CLYBL: variants seen among roughly 807,000 people sequenced by gnomAD.
CLYBL encodes the protein citramalyl-CoA lyase, also known as citramalyl-CoA lyase, mitochondrial.
A neutral mutation model predicts 38.9 loss-of-function variants in CLYBL; 31 were observed. The observed-to-expected ratio is 0.80, with a 90% CI of 0.60 to 1.08. CLYBL has a LOEUF of 1.08. CLYBL is among the 50% of genes least tolerant of loss of function. The pLI, the probability that CLYBL is intolerant of heterozygous loss-of-function variation, is 0.00. For missense variants in CLYBL, 434 were observed against 411.6 expected, an observed-to-expected ratio of 1.05 and a Z score of -0.47; for synonymous variants, 171 against 158.6, an observed-to-expected ratio of 1.08 and a Z score of -0.59.
At chr13:99,837,987 G>A (rs1395924688) in intron 2 of CLYBL, among the ~76,000 whole-genome samples, 1 of 152,084 alleles carries the variant, frequency 6.6e-6, no homozygotes, top group Non-Finnish European at 1.5e-5. Flanking sequence ...CCTCCTCTCT[G>A]TCAAGTGGTT....
At chr13:99,833,007 C>CATATATATATATATATATAT (rs1555314795) in intron 2 of CLYBL, among the ~76,000 whole-genome samples, 1 of 51,574 alleles carries the variant, frequency 1.9e-5, no homozygotes, top group African/African-American at 7.7e-5. Flanking sequence ...TACATACATA[C>CATATATATATATATATATAT]ATATATATAT....
intron 1 of CLYBL, among the ~76,000 whole-genome samples, chr13:99,757,952 G>A (rs115765140): frequency 0.019 from 2,905 of 152,252 alleles, 84 homozygotes; most frequent in African/African-American, 0.067. Context: ...TTGTCTATAC[G>A]CAGATTCTCT....
At chr13:99,747,478 G>A (rs574789712) in intron 1 of CLYBL, among the ~76,000 whole-genome samples, 1 of 152,070 alleles carries the variant, frequency 6.6e-6, no homozygotes, top group African/African-American at 2.4e-5. Context: ...GGAGCTACCG[G>A]GTGCCCATGT....
At position 99,618,277 on chromosome 13, in the gene CLYBL, CT is replaced by C. The variant is rs112680553; in HGVS notation, c.62+11532del. 8.1e-4 allele frequency among the ~76,000 whole-genome samples: 118 copies of C among 146,334 alleles called. 1 individual carries two copies. Among genetic ancestry groups the C allele is most frequent in the Middle Eastern group, 3.5e-3 (1 of 286 alleles). On this transcript the variant is annotated intron_variant, in intron 1 of 8. Coordinates refer to ENST00000339105, the MANE Select transcript of CLYBL (RefSeq NM_206808.5). ...ATACATAACAAAATTATCATTTTAACTTTTTTTTTTTTGAGGTGGAGTCTAG... is the reference window on the plus strand; with the variant it reads ...ATACATAACAAAATTATCATTTTAACTTTTTTTTTTTGAGGTGGAGTCTAG...
chr13:99,711,597 C>T lies in CLYBL; in HGVS notation c.63-61227C>T, dbSNP rs536618456. 4.9e-3 allele frequency among the ~76,000 whole-genome samples: 719 copies of T among 145,718 alleles called. 5 individuals are homozygous for T. The highest frequency in any genetic ancestry group is 0.022 in the Middle Eastern group (6 of 268). ...AATTTTGTATTTTTAGTAGAGATGG[C>T]GTTTCTCCATGTTGGTCAGGCTGGT... On this transcript the variant is annotated intron_variant, in intron 1 of 8. Coordinates refer to ENST00000339105, the MANE Select transcript of CLYBL (RefSeq NM_206808.5).
chr13:99,872,667 G>A lies in CLYBL; in HGVS notation c.927+1605G>A, dbSNP rs139229902. The stretch of plus-strand genomic sequence containing the variant: ...GAGTTCCAGTCTGGGCCAGCACTGT[G>A]TCTATGACCCATCCCAGCTGGGTTT... On this transcript the variant is annotated intron_variant, in intron 7 of 8. Coordinates refer to ENST00000339105, the MANE Select transcript of CLYBL (RefSeq NM_206808.5). Among the ~76,000 whole-genome samples the A allele has an allele frequency of 2.5e-3, 388 of 152,294 alleles. 1 individual carries two copies. Among genetic ancestry groups the A allele is most frequent in the African/African-American group, 8.7e-3 (363 of 41,554 alleles).
intron 1 of CLYBL, among the ~76,000 whole-genome samples, chr13:99,706,827 A>G (rs2139477176): frequency 6.6e-6 from 1 of 152,242 alleles, no homozygotes; most frequent in South Asian, 2.1e-4. Flanking sequence ...TATTTTTTAG[A>G]GACAGGTTCT....
At chr13:99,904,376 C>G (rs922871227) in intron 8 of CLYBL, among the ~76,000 whole-genome samples, 5 of 152,186 alleles carry the variant, frequency 3.3e-5, no homozygotes. Flanking sequence ...CCTGGCTATG[C>G]TAAACTTTAA....
intron 2 of CLYBL, among the ~76,000 whole-genome samples, chr13:99,791,554 A>G (rs185574355): frequency 1.4e-4 from 22 of 152,258 alleles, no homozygotes; most frequent in Admixed American, 7.8e-4. Flanking sequence ...TGTCCTAACA[A>G]TGTGACCTTG....
intron 2 of CLYBL, among the ~76,000 whole-genome samples, chr13:99,856,175 C>G (rs1444062515): frequency 3.3e-5 from 5 of 152,186 alleles, no homozygotes; most frequent in Admixed American, 3.3e-4. Flanking sequence ...GGCAATCCGA[C>G]TTTAGATAAA....
intron 1 of CLYBL, among the ~76,000 whole-genome samples, chr13:99,657,891 A>G (rs2047351048): frequency 6.6e-6 from 1 of 152,198 alleles, no homozygotes. Context: ...CGCTTTTCCC[A>G]GGAACAGAAG....
At chr13:99,754,613 C>T (rs2049023130) in intron 1 of CLYBL, among the ~76,000 whole-genome samples, 1 of 150,476 alleles carries the variant, frequency 6.6e-6, no homozygotes, top group Non-Finnish European at 1.5e-5. Context: ...GAGACAAAGT[C>T]GCGTTCTGTA....
intron 2 of CLYBL, among the ~76,000 whole-genome samples, chr13:99,800,908 A>AAAAAAAAAAAAAAAAAAAAAAC: frequency 1.3e-5 from 1 of 78,768 alleles, no homozygotes; most frequent in Non-Finnish European, 3.4e-5. Context: ...AAAAAAAAAC[A>AAAAAAAAAAAAAAAAAAAAAAC]AAAAAAAAAA....
At chr13:99,846,518 T>C (rs1018525284) in intron 2 of CLYBL, among the ~76,000 whole-genome samples, 6 of 152,192 alleles carry the variant, frequency 3.9e-5, no homozygotes, top group African/African-American at 1.4e-4. Flanking sequence ...ACATAGCTGA[T>C]TGTATTACCT....
intron 2 of CLYBL, among the ~76,000 whole-genome samples, chr13:99,848,277 T>C (rs939627655): frequency 6.6e-6 from 1 of 152,210 alleles, no homozygotes; most frequent in Non-Finnish European, 1.5e-5. Flanking sequence ...TCTCATTATA[T>C]GGGGCTTTCA....
rs71121003 is a variant in CLYBL at position 99,754,087 on chromosome 13, CAAAAAAAAA to C, written c.63-18717_63-18709del. Among the ~76,000 whole-genome samples the C allele has an allele frequency of 7.0e-4, 32 of 45,418 alleles. 1 individual carries two copies. Among genetic ancestry groups the C allele is most frequent in the East Asian group, 2.5e-3 (6 of 2,426 alleles). The allele number at this position is 45,418 out of a possible 152,430, so 29.8% of individuals were successfully genotyped here. On this transcript the variant is annotated intron_variant, in intron 1 of 8. Coordinates refer to ENST00000339105, the MANE Select transcript of CLYBL (RefSeq NM_206808.5). ...GGGCGACAAGAGCGAAACTCGGTCT[CAAAAAAAAA>C]AAAAAAAAAAAAAAAAAAAGTATTA...
At chr13:99,610,833 G>A (rs1267052368) in intron 1 of CLYBL, among the ~76,000 whole-genome samples, 1 of 152,182 alleles carries the variant, frequency 6.6e-6, no homozygotes, top group African/African-American at 2.4e-5. Context: ...AAGTGTTTTG[G>A]TTAGCCTGTT....
chr13:99,781,464 C>T (rs2049652909), intron 2 of CLYBL, among the ~76,000 whole-genome samples: 1 of 151,814 alleles, frequency 6.6e-6, no homozygotes, highest in South Asian at 2.1e-4. Context: ...GCCACTGCAC[C>T]CAGCCAAATT....
chr13:99,756,296 A>G (rs1349313317), intron 1 of CLYBL, among the ~76,000 whole-genome samples: 1 of 152,224 alleles, frequency 6.6e-6, no homozygotes, highest in Non-Finnish European at 1.5e-5. Flanking sequence ...TCTGGTTACT[A>G]TTAATGTTCA....
Sources: gnomAD v4.1 joint callset for allele counts (sites outside exome capture counted in the v4.1 genomes callset) on GRCh38, gnomAD v4.1.1 for gene constraint, MANE v1.5 for transcripts, NCBI Gene and HGNC (gene_info 2026-07-23, HGNC 2026-07-21) for gene names.